Variants in GCNT4 observed in about 807,000 individuals in gnomAD.
The protein encoded by GCNT4 is glucosaminyl (N-acetyl) transferase 4.
In GCNT4, 17 loss-of-function variants were observed where a neutral mutation model predicts 31.3. The ratio of observed to expected loss-of-function variants is 0.54; its 90% CI spans 0.37 to 0.81. The LOEUF is 0.81. Ranked by LOEUF, GCNT4 falls within the 40% of genes least tolerant of loss-of-function variation. The pLI is 0.00. For synonymous variants in GCNT4, 158 were observed against 190.6 expected, an observed-to-expected ratio of 0.83 and a Z score of 1.41; for missense variants, 503 against 525.5, an observed-to-expected ratio of 0.96 and a Z score of 0.42.
At chr5:75,049,776 G>A (rs569528587) in intron 2 of GCNT4, among the ~76,000 whole-genome samples, 3 of 152,176 alleles carry the variant, frequency 2.0e-5, no homozygotes, top group Non-Finnish European at 1.5e-5. Context: ...TAAGTAGAAG[G>A]TGCCTTGCCT....
In GCNT4 at chr5:75,026,139, T is replaced by C. The variant is rs936601728; in HGVS notation, c.*2537A>G. On this transcript the variant is annotated 3_prime_UTR_variant, in exon 4 of 4. Transcript: ENST00000652361. ...GCACTTTCTCCGCTTCATCCTTCCA[T>C]GTTCCCTTTGAATACGGCATTTAAG... is the stretch of plus-strand genomic sequence containing the variant. 1.3e-5 allele frequency: 2 copies of C among 152,210 alleles called. No individual in the cohort carries two copies. The highest frequency in any genetic ancestry group is 6.5e-5 in the Admixed American group (1 of 15,284). The allele number at this position is 152,210 out of a possible 1,614,324, so 9.4% of individuals were successfully genotyped here.
chr5:75,028,409 C>T lies in GCNT4; in HGVS notation c.*267G>A. On this transcript the variant is annotated 3_prime_UTR_variant, in exon 4 of 4. Coordinates refer to ENST00000652361, the MANE Select transcript of GCNT4 (RefSeq NM_001366737.1). ...AAAGTGCCTGTCATATAGTTAGGTG[C>T]TCAATAATGTTTGATGACTGACTGA... The T allele has an allele frequency of 2.4e-6, 1 of 424,102 alleles. No individual in the cohort carries two copies. Among genetic ancestry groups the T allele is most frequent in the Non-Finnish European group, 4.2e-6 (1 of 240,852 alleles). The allele number at this position is 424,102 out of a possible 1,614,324, so 26.3% of individuals were successfully genotyped here. A position where few individuals can be genotyped will look rare whatever the true frequency, so the allele number is the denominator to read the frequency against.
intron 3 of GCNT4, among the ~76,000 whole-genome samples, chr5:75,047,382 A>G (rs931062399): frequency 2.0e-5 from 3 of 152,176 alleles, no homozygotes; most frequent in Non-Finnish European, 4.4e-5. Context: ...TACTATGGCA[A>G]GGGAGCACAT....
chr5:75,040,179 A>G (rs75627376), intron 3 of GCNT4, among the ~76,000 whole-genome samples: 1,862 of 149,368 alleles, frequency 0.012, 37 homozygotes, highest in African/African-American at 0.045. Context: ...GTCCTCTCTG[A>G]TAACTTTTTT....
chr5:75,030,934 C>T, intron 3 of GCNT4: 1 of 166,994 alleles, frequency 6.0e-6, no homozygotes. Context: ...TGTGAAAAGG[C>T]CTGAGACCAC....
At position 75,027,409 on chromosome 5, in the gene GCNT4, CAT is replaced by C. The variant is rs1160469879; in HGVS notation, c.*1265_*1266del. ...GAATTGTTCTATATATAATATATAA[CAT>C]AAATATATATTACATATATATAAAA... On this transcript the variant is annotated 3_prime_UTR_variant, in exon 4 of 4. Coordinates refer to ENST00000652361, the MANE Select transcript of GCNT4 (RefSeq NM_001366737.1). 1.0e-3 allele frequency: 139 copies of C among 139,650 alleles called. No homozygotes were observed. The highest frequency in any genetic ancestry group is 9.1e-3 in the Admixed American group (122 of 13,430). The allele number at this position is 139,650 out of a possible 1,614,324, so 8.7% of individuals were successfully genotyped here.
intron 3 of GCNT4, among the ~76,000 whole-genome samples, chr5:75,037,985 G>T (rs1458956373): frequency 7.7e-6 from 1 of 129,160 alleles, no homozygotes. Context: ...GTCCAAAAAC[G>T]AAAATAAAGC....
intron 2 of GCNT4, 35 bp from the exon 3 acceptor site, chr5:75,048,072 A>T (rs1437562442): frequency 1.3e-5 from 2 of 152,196 alleles, no homozygotes; most frequent in Admixed American, 6.5e-5. Flanking sequence ...AGGACTTTAG[A>T]ATAACAGTAA....
Position 75,029,642 on chromosome 5 carries a change from TGGGAAGCTTTTCTCCTCCTTTGA to T in GCNT4, c.373_395del (p.Ser125AsnfsTer15). The stretch of plus-strand genomic sequence containing the variant: ...TGTGGACAACCAAAGAATAGGCTAT[TGGGAAGCTTTTCTCCTCCTTTGA>T]GACAAGCTTTTGAGCATAACCTCTT... On this transcript the variant is annotated frameshift_variant, in exon 4 of 4. Transcript: ENST00000652361. LOFTEE classifies it high-confidence loss of function. 1 of 1,614,144 alleles carries T rather than the reference TGGGAAGCTTTTCTCCTCCTTTGA, an allele frequency of 6.2e-7. No individual in the cohort carries two copies. The highest frequency in any genetic ancestry group is 8.5e-7 in the Non-Finnish European group (1 of 1,180,028).
In GCNT4 at chr5:75,052,451, G is replaced by A. The variant is rs930153819; in HGVS notation, c.-224C>T. The A allele has an allele frequency of 6.6e-6, 1 of 152,142 alleles. No homozygotes were observed. The highest frequency in any genetic ancestry group is 1.5e-5 in the Non-Finnish European group (1 of 68,036). 9.4% of individuals were successfully genotyped at this position (152,142 alleles called of 1,614,324 possible). On this transcript the variant is annotated 5_prime_UTR_variant, in exon 1 of 4. Transcript: ENST00000652361. Reference sequence around the variant, plus strand: ...TACCTAGCACCGTTTCCTACGTGAAGACTGCAAATGGACTCGAGCGTCCCG... The same window carrying A: ...TACCTAGCACCGTTTCCTACGTGAAAACTGCAAATGGACTCGAGCGTCCCG...
At chr5:75,030,086 C>T in intron 3 of GCNT4, 48 bp from the exon 4 acceptor site, 1 of 1,528,354 alleles carries the variant, frequency 6.5e-7, no homozygotes, top group Non-Finnish European at 8.8e-7. Context: ...AACAGAAAAT[C>T]AGGTCAGTTT....
chr5:75,025,957 G>C lies in GCNT4; in HGVS notation c.*2719C>G, dbSNP rs1444113179. ...AACACAGACTGCAGGACATTATCAA[G>C]ACCAGGGAGGAAATCATACCCAAAG... On this transcript the variant is annotated 3_prime_UTR_variant, in exon 4 of 4. Transcript: ENST00000652361. 6 of 152,158 alleles carry C rather than the reference G, an allele frequency of 3.9e-5. No homozygotes were observed. The highest frequency in any genetic ancestry group is 1.4e-4 in the African/African-American group (6 of 41,432). 9.4% of individuals were successfully genotyped at this position (152,158 alleles called of 1,614,324 possible).
At chr5:75,038,565 C>A (rs535457746) in intron 3 of GCNT4, among the ~76,000 whole-genome samples, 1 of 152,148 alleles carries the variant, frequency 6.6e-6, no homozygotes. Context: ...AAGATCAAGG[C>A]ACAGATTTGG....
chr5:75,050,955 C>A (rs1185653287), intron 2 of GCNT4, among the ~76,000 whole-genome samples: 2 of 152,240 alleles, frequency 1.3e-5, no homozygotes, highest in African/African-American at 2.4e-5. Flanking sequence ...CATCTGCGTA[C>A]TATCAGGTGT....
At chr5:75,022,647 T>C (rs1267830952), downstream of GCNT4, among the ~76,000 whole-genome samples, 1 of 152,198 alleles carries the variant, frequency 6.6e-6, no homozygotes, top group Non-Finnish European at 1.5e-5. Context: ...AGACTGGAGT[T>C]TGAAAACCAG....
chr5:75,048,237 T>C (rs1277539955), intron 2 of GCNT4, among the ~76,000 whole-genome samples, 200 bp from the exon 3 acceptor site: 1 of 152,094 alleles, frequency 6.6e-6, no homozygotes, highest in Non-Finnish European at 1.5e-5. Context: ...AACCAGGATA[T>C]CAGCACCCAA....
rs1425827148 is a variant in GCNT4, at chr5:75,027,393, TATATATA to T, written c.*1276_*1282del. ...TATTATATATGTAATGGAATTGTTC[TATATATA>T]ATATATAACATAAATATATATTACA... On this transcript the variant is annotated 3_prime_UTR_variant, in exon 4 of 4. Transcript: ENST00000652361. The T allele has an allele frequency of 4.2e-5, 6 of 143,338 alleles. No individual in the cohort carries two copies. The highest frequency in any genetic ancestry group is 1.4e-4 in the Admixed American group (2 of 13,870). The allele number at this position is 143,338 out of a possible 1,614,324, so 8.9% of individuals were successfully genotyped here.
upstream of GCNT4, among the ~76,000 whole-genome samples, chr5:75,053,141 G>A (rs930918899): frequency 1.8e-4 from 27 of 151,972 alleles, no homozygotes; most frequent in Middle Eastern, 3.4e-3. Context: ...GCTGGCCTCG[G>A]GGAACTTCCC....
At chr5:75,053,232 C>G (rs1743627999), upstream of GCNT4, among the ~76,000 whole-genome samples, 1 of 151,898 alleles carries the variant, frequency 6.6e-6, no homozygotes, top group South Asian at 2.1e-4. Context: ...GTCGCCCACC[C>G]GGCCCGTGAC....
Sources: allele counts gnomAD v4.1 joint callset (sites outside exome capture counted in the v4.1 genomes callset), GRCh38; gene constraint gnomAD v4.1.1; transcripts MANE v1.5; gene names NCBI Gene and HGNC (gene_info 2026-07-23, HGNC 2026-07-21).